Variants in BRINP2 observed in about 807,000 individuals in gnomAD.
BRINP2 encodes BMP/retinoic acid inducible neural specific 2.
A neutral mutation model predicts 69.2 loss-of-function variants in BRINP2; 21 were observed. The observed-to-expected ratio is 0.30, with a 90% CI of 0.22 to 0.44. BRINP2 has a LOEUF of 0.44. BRINP2 is among the 20% of genes least tolerant of loss of function. The pLI is 1.00. For synonymous variants in BRINP2, 380 were observed against 394.1 expected, an observed-to-expected ratio of 0.96 and a Z score of 0.42; for missense variants, 877 against 986.0, an observed-to-expected ratio of 0.89 and a Z score of 1.48.
In BRINP2 at chr1:177,276,333, C is replaced by G; in HGVS notation, c.911C>G (p.Pro304Arg). The G allele has an allele frequency of 1.2e-6, 2 of 1,614,232 alleles. No individual in the cohort carries two copies. The highest frequency in any genetic ancestry group is 8.5e-7 in the Non-Finnish European group (1 of 1,180,048). ...DCWCKCSPTFPECNCPDADIQ... is the reference protein window; with the variant it reads ...DCWCKCSPTFRECNCPDADIQ... ...TGGTGCAAGTGCAGCCCCACCTTCC[C>G]TGAATGCAACTGCCCTGATGCTGAC... Residue 304 changes from proline (P) to arginine (R), a missense_variant, in exon 6 of 8, where the codon CCT becomes CGT. Around this residue, in one of 3 missense-constraint regions of BRINP2, gnomAD observed 566 missense variants for 625.2 expected, o/e 0.91. Coordinates refer to ENST00000361539, the MANE Select transcript of BRINP2 (RefSeq NM_021165.4).
intron 1 of BRINP2, among the ~76,000 whole-genome samples, chr1:177,189,075 C>T (rs1009009218): frequency 3.3e-5 from 5 of 152,040 alleles, no homozygotes; most frequent in African/African-American, 4.8e-5. Flanking sequence ...GAGAGACACA[C>T]GTAATGTCTT....
intron 1 of BRINP2, among the ~76,000 whole-genome samples, chr1:177,205,819 A>G (rs1649056100): frequency 6.6e-6 from 1 of 152,216 alleles, no homozygotes; most frequent in African/African-American, 2.4e-5. Flanking sequence ...TTCATGGTGA[A>G]GTCTTCTCCT....
chr1:177,239,074 T>C lies in BRINP2; in HGVS notation c.269+8929T>C, dbSNP rs1359485892. On this transcript the variant is annotated intron_variant, in intron 2 of 7. Coordinates refer to ENST00000361539, the MANE Select transcript of BRINP2 (RefSeq NM_021165.4). ...ATGAAATAAATCACTGAGCCTGGGC[T>C]ACTTAATGCTCTGAGAGAAACAGTG... Among the ~76,000 whole-genome samples the C allele has an allele frequency of 2.0e-5, 3 of 152,222 alleles. No individual in the cohort carries two copies. In the South Asian group the frequency reaches 6.2e-4, roughly 31 times the overall value.
chr1:177,242,874 A>G (rs1378755185), intron 2 of BRINP2, among the ~76,000 whole-genome samples: 3 of 152,226 alleles, frequency 2.0e-5, no homozygotes, highest in Non-Finnish European at 4.4e-5. Flanking sequence ...TCAAGGCTCT[A>G]GAATCAGACT....
Position 177,253,770 on chromosome 1 carries a change from T to C in BRINP2, c.270-2149T>C, listed in dbSNP as rs1571933242. ...TGGGTATTATGTTTTTTCAGCACCA[T>C]TTATTAAAGATATTCTCCTTTCCCC... On this transcript the variant is annotated intron_variant, in intron 2 of 7. Transcript: ENST00000361539. Among the ~76,000 whole-genome samples, 2 of 152,166 alleles carry C rather than the reference T, an allele frequency of 1.3e-5. 1 individual carries two copies. Among genetic ancestry groups the C allele is most frequent in the South Asian group, 4.1e-4 (2 of 4,832 alleles).
intron 1 of BRINP2, among the ~76,000 whole-genome samples, chr1:177,212,056 T>C (rs1649236214): frequency 7.1e-6 from 1 of 139,984 alleles, no homozygotes; most frequent in Admixed American, 7.4e-5. Flanking sequence ...TCTACATATC[T>C]CTATAGACAC....
rs567176946 is a variant in BRINP2 at position 177,203,370 on chromosome 1, C to T, written c.-76-26431C>T. ...GGAGGGATAGCATTAGGAGATATAC[C>T]TAATGCTAAATGATGAGTTAATGGG... On this transcript the variant is annotated intron_variant, in intron 1 of 7. Coordinates refer to ENST00000361539, the MANE Select transcript of BRINP2 (RefSeq NM_021165.4). Among the ~76,000 whole-genome samples the T allele has an allele frequency of 6.6e-5, 10 of 152,056 alleles. No individual in the cohort carries two copies. In the South Asian group the frequency reaches 2.1e-3, roughly 32 times the overall value.
chr1:177,188,513 G>C (rs1648498016), intron 1 of BRINP2, among the ~76,000 whole-genome samples: 1 of 152,126 alleles, frequency 6.6e-6, no homozygotes, highest in African/African-American at 2.4e-5. Context: ...GGATGGTCAG[G>C]GTAGACCTCA....
chr1:177,230,155 G>T lies in BRINP2; in HGVS notation c.269+10G>T, dbSNP rs1373049706. 1 of 1,584,192 alleles carries T rather than the reference G, an allele frequency of 6.3e-7. No individual in the cohort carries two copies. The highest frequency in any genetic ancestry group is 8.6e-7 in the Non-Finnish European group (1 of 1,161,736). Reference sequence around the variant, plus strand: ...GGTACAGGATTTATAGGTAAGTGGGGGCCTCCACTGAGACAGGGGCTTCCC... The same window carrying T: ...GGTACAGGATTTATAGGTAAGTGGGTGCCTCCACTGAGACAGGGGCTTCCC... On this transcript the variant is annotated intron_variant, in intron 2 of 7. Transcript: ENST00000361539.
chr1:177,233,523 G>C (rs1285967440), intron 2 of BRINP2, among the ~76,000 whole-genome samples: 1 of 152,206 alleles, frequency 6.6e-6, no homozygotes, highest in Admixed American at 6.5e-5. Flanking sequence ...AAGAATCATA[G>C]GTGTTTTTTG....
At chr1:177,258,503 C>T (rs757471577) in intron 4 of BRINP2, among the ~76,000 whole-genome samples, 2 of 152,216 alleles carry the variant, frequency 1.3e-5, no homozygotes, top group Non-Finnish European at 2.9e-5. Flanking sequence ...CATAAATATA[C>T]AGGCAATAGC....
chr1:177,190,137 T>C (rs181124274), intron 1 of BRINP2, among the ~76,000 whole-genome samples: 10 of 152,342 alleles, frequency 6.6e-5, no homozygotes, highest in African/African-American at 1.9e-4. Context: ...ACTAGAATGA[T>C]AGGCACGTTG....
At chr1:177,242,139 G>T (rs866485487) in intron 2 of BRINP2, among the ~76,000 whole-genome samples, 2 of 152,122 alleles carry the variant, frequency 1.3e-5, no homozygotes, top group South Asian at 2.1e-4. Flanking sequence ...CTCCCCATCT[G>T]AGTTTTGTAG....
At chr1:177,240,665 A>T (rs186737315) in intron 2 of BRINP2, among the ~76,000 whole-genome samples, 1 of 152,284 alleles carries the variant, frequency 6.6e-6, no homozygotes, top group African/African-American at 2.4e-5. Flanking sequence ...TTCTGCAACC[A>T]CTAGGATAGA....
intron 1 of BRINP2, among the ~76,000 whole-genome samples, chr1:177,195,707 A>G (rs1648726523): frequency 6.6e-6 from 1 of 151,836 alleles, no homozygotes; most frequent in South Asian, 2.1e-4. Flanking sequence ...AGCCAAGCCA[A>G]TCTTGGGATG....
chr1:177,278,448 C>T (rs1017198453), intron 6 of BRINP2, 115 bp from the exon 7 acceptor site: 14 of 908,544 alleles, frequency 1.5e-5, no homozygotes, highest in Non-Finnish European at 2.1e-5. Context: ...GGGTGTGCAG[C>T]CTCCTTTCTC....
At chr1:177,278,823 C>A in intron 7 of BRINP2, 38 bp downstream of exon 7, 1 of 1,594,780 alleles carries the variant, frequency 6.3e-7, no homozygotes, top group Non-Finnish European at 8.6e-7. Flanking sequence ...GAGCTCAGCA[C>A]CTCCCCTGAC....
At chr1:177,177,691 G>A (rs931581345) in intron 1 of BRINP2, among the ~76,000 whole-genome samples, 2 of 152,008 alleles carry the variant, frequency 1.3e-5, no homozygotes, top group African/African-American at 4.8e-5. Flanking sequence ...CACGTAAAAG[G>A]GGGATTATTA....
rs1647924938 is a variant in BRINP2 at position 177,171,397 on chromosome 1, C to G, written c.-412C>G. On this transcript the variant is annotated 5_prime_UTR_variant, in exon 1 of 8. Coordinates refer to ENST00000361539, the MANE Select transcript of BRINP2 (RefSeq NM_021165.4). ...GCCGAAGCCCCACTTCAAAGATGCTCTGGGAGACCGGGATCCTGGCTGCTC... is the reference window on the plus strand; with the variant it reads ...GCCGAAGCCCCACTTCAAAGATGCTGTGGGAGACCGGGATCCTGGCTGCTC... 6.5e-6 allele frequency: 1 copy of G among 154,728 alleles called. No individual in the cohort carries two copies. Among genetic ancestry groups the G allele is most frequent in the Non-Finnish European group, 1.4e-5 (1 of 69,372 alleles). 9.6% of individuals were successfully genotyped at this position (154,728 alleles called of 1,614,324 possible). A position where few individuals can be genotyped will look rare whatever the true frequency, so the allele number is the denominator to read the frequency against.
Sources: allele counts gnomAD v4.1 joint callset (sites outside exome capture counted in the v4.1 genomes callset), GRCh38; gene constraint gnomAD v4.1.1; regional missense constraint gnomAD v4.1.1; transcripts MANE v1.5; gene names NCBI Gene and HGNC (gene_info 2026-07-23, HGNC 2026-07-21).